Variants in SEC23B observed in about 807,000 individuals in gnomAD.
SEC23B encodes the protein SEC23 homolog B, COPII component, also known as protein transport protein Sec23B.
A neutral mutation model predicts 104.3 loss-of-function variants in SEC23B; 77 were observed. That is an observed-to-expected ratio of 0.74 (90% confidence interval 0.61 to 0.89). SEC23B has a LOEUF of 0.89. Among genes scored for constraint, SEC23B ranks in the 40% least tolerant of loss-of-function variants. The pLI is 0.00. For synonymous variants in SEC23B, 338 were observed against 332.5 expected (o/e 1.02, Z -0.18); for missense variants, 885 against 949.4 (o/e 0.93, Z 0.89).
rs190295206 is a variant in SEC23B, at chr20:18,558,132, T to A, written c.2215-2519T>A. Reference sequence around the variant, plus strand: ...TTATTTGAGAATGTCTTGACGTCCCTTTCATTTCTGAAGAATATTTTCTCT... The same window carrying A: ...TTATTTGAGAATGTCTTGACGTCCCATTCATTTCTGAAGAATATTTTCTCT... On this transcript the variant is annotated intron_variant, in intron 19 of 19. Transcript: ENST00000650089. Among the ~76,000 whole-genome samples, 90 of 152,348 alleles carry A rather than the reference T, an allele frequency of 5.9e-4. 1 individual carries two copies. Among genetic ancestry groups the A allele is most frequent in the Middle Eastern group, 3.4e-3 (1 of 294 alleles).
At position 18,524,560 on chromosome 20, in the gene SEC23B, G is replaced by A. The variant is rs773519637; in HGVS notation, c.494G>A (p.Gly165Asp). The A allele has an allele frequency of 6.2e-7, 1 of 1,614,158 alleles. No individual in the cohort carries two copies. Among genetic ancestry groups the A allele is most frequent in the Non-Finnish European group, 8.5e-7 (1 of 1,180,002 alleles). ...LSLLPPDALV[G>D]LITFGRMVQV... ...CTTCTTCCTCCAGATGCTCTGGTGG[G>A]TCTGATCACATTTGGAAGGATGGTG... Residue 165 changes from glycine to aspartate, a missense_variant, in exon 5 of 20, where the codon GGT (glycine) becomes GAT (aspartate). Transcript: ENST00000650089.
chr20:18,524,896 T>A, intron 5 of SEC23B, 39 bp from the exon 6 acceptor site: 1 of 1,601,546 alleles, frequency 6.2e-7, no homozygotes, highest in Non-Finnish European at 8.5e-7. Flanking sequence ...ACTTTTAGTG[T>A]CATTGGAAAT....
intron 9 of SEC23B, among the ~76,000 whole-genome samples, chr20:18,530,375 C>T (rs1396665978): frequency 1.4e-4 from 22 of 152,120 alleles, no homozygotes. Context: ...CCTCAGCCTC[C>T]TGAGTAGCTG....
chr20:18,555,014 A>C (rs1006719274), intron 18 of SEC23B, 94 bp from the exon 19 acceptor site: 1 of 1,117,690 alleles, frequency 8.9e-7, no homozygotes, highest in African/African-American at 1.5e-5. Flanking sequence ...AATTTAACCA[A>C]ACAAATGTTG....
Position 18,545,968 on chromosome 20 carries a change from G to A in SEC23B, c.1678G>A (p.Gly560Arg). ...RQLIRLCQKF[G>R]QYNKEDPTSF... is the part of the protein sequence containing the mutation. ...TTTCTTTCCATAGTGTCAAAAGTTT[G>A]GACAGTATAACAAAGAAGACCCCAC... The change falls in exon 15 of 20, where the codon GGA (glycine) becomes AGA (arginine). Residue 560 changes from glycine (G) to arginine (R), a missense_variant. Physicochemically the swap from Gly to Arg is moderately radical, Grantham distance 125. Coordinates refer to ENST00000650089, the MANE Select transcript of SEC23B (RefSeq NM_006363.6). 1 of 1,578,396 alleles carries A rather than the reference G, an allele frequency of 6.3e-7. No individual in the cohort carries two copies. Among genetic ancestry groups the A allele is most frequent in the South Asian group, 1.1e-5 (1 of 90,314 alleles).
At chr20:18,556,023 A>T (rs1243056269) in intron 19 of SEC23B, among the ~76,000 whole-genome samples, 1 of 151,696 alleles carries the variant, frequency 6.6e-6, no homozygotes, top group African/African-American at 2.4e-5. Flanking sequence ...TTAGATTCTC[A>T]TGAGGAGCAT....
At chr20:18,547,599 T>A (rs762845760) in intron 15 of SEC23B, among the ~76,000 whole-genome samples, 1 of 152,134 alleles carries the variant, frequency 6.6e-6, no homozygotes, top group Non-Finnish European at 1.5e-5. Context: ...TCCCAGCTTG[T>A]GTCCTGAGCT....
At position 18,534,677 on chromosome 20, in the gene SEC23B, T is replaced by C. The variant is rs1026499795; in HGVS notation, c.1315-976T>C. 2.0e-5 allele frequency among the ~76,000 whole-genome samples: 3 copies of C among 152,266 alleles called. No individual in the cohort carries two copies. In the East Asian group the frequency reaches 5.8e-4, roughly 29 times the overall value. ...TGTTTGCCAACAGCCTAATGGTTTT[T>C]AGCATCCATTGATCTTCATGCAAAT... On this transcript the variant is annotated intron_variant, in intron 11 of 19. Coordinates refer to ENST00000650089, the MANE Select transcript of SEC23B (RefSeq NM_006363.6).
At chr20:18,548,242 C>T (rs1415372860) in intron 15 of SEC23B, among the ~76,000 whole-genome samples, 4 of 147,270 alleles carry the variant, frequency 2.7e-5, no homozygotes, top group Non-Finnish European at 6.0e-5. Flanking sequence ...TGAGCCACCA[C>T]GCCTGGCCAA....
chr20:18,518,143 T>G (rs1016594449), intron 4 of SEC23B, among the ~76,000 whole-genome samples: 3 of 152,126 alleles, frequency 2.0e-5, no homozygotes, highest in Non-Finnish European at 4.4e-5. Flanking sequence ...ATTTGACTAA[T>G]AAAGGCTGGT....
intron 10 of SEC23B, among the ~76,000 whole-genome samples, 192 bp from the exon 11 acceptor site, chr20:18,532,472 G>A (rs1454457478): frequency 2.0e-5 from 3 of 152,198 alleles, no homozygotes; most frequent in Non-Finnish European, 4.4e-5. Context: ...TTCTAAGGGT[G>A]GATTTTATTA....
intron 4 of SEC23B, among the ~76,000 whole-genome samples, chr20:18,517,501 G>A (rs4734953): frequency 3.3e-5 from 5 of 152,164 alleles, no homozygotes; most frequent in East Asian, 1.9e-4. Context: ...GGATGTATAC[G>A]TGCAGGTCAT....
intron 19 of SEC23B, among the ~76,000 whole-genome samples, chr20:18,558,258 A>T (rs901566495): frequency 1.3e-5 from 2 of 152,164 alleles, no homozygotes; most frequent in African/African-American, 4.8e-5. Flanking sequence ...GTTCACTGTC[A>T]GTCTCATTGT....
chr20:18,534,210 A>G (rs373412585), intron 11 of SEC23B, among the ~76,000 whole-genome samples: 11 of 152,232 alleles, frequency 7.2e-5, no homozygotes, highest in African/African-American at 2.7e-4. Flanking sequence ...ACAGTCCTTA[A>G]GCACGTCAGT....
intron 4 of SEC23B, among the ~76,000 whole-genome samples, chr20:18,518,205 G>A (rs1374144546): frequency 6.6e-6 from 1 of 152,196 alleles, no homozygotes; most frequent in South Asian, 2.1e-4. Context: ...AATTATGTCT[G>A]ACAAAAGGGA....
At chr20:18,552,478 A>C (rs1363231461) in intron 17 of SEC23B, among the ~76,000 whole-genome samples, 1 of 152,180 alleles carries the variant, frequency 6.6e-6, no homozygotes, top group Non-Finnish European at 1.5e-5. Context: ...ACTGCAGGTT[A>C]AAAATAATTT....
chr20:18,524,504 A>C lies in SEC23B; in HGVS notation c.438A>C (p.Ala146=), dbSNP rs753107435. 1.2e-5 allele frequency: 19 copies of C among 1,614,110 alleles called. No individual in the cohort carries two copies. Among genetic ancestry groups the C allele is most frequent in the Admixed American group, 1.7e-5 (1 of 60,016 alleles). Residue 146 remains alanine, a synonymous_variant, in exon 5 of 20, where the codon GCA becomes GCC. Transcript: ENST00000650089. ...DTCLEEDDLQ[A]LKESLQMSLS... ...GCCTGGAGGAAGATGACCTTCAAGCACTCAAAGAGTCCCTGCAGATGTCCC... is the reference window on the plus strand; with the variant it reads ...GCCTGGAGGAAGATGACCTTCAAGCCCTCAAAGAGTCCCTGCAGATGTCCC...
In SEC23B at chr20:18,560,695, G is replaced by A. The variant is rs1043674661; in HGVS notation, c.2259G>A (p.Val753=). The change falls in exon 20 of 20, where the codon GTG becomes GTA. Residue 753 remains valine (V), a synonymous_variant. Coordinates refer to ENST00000650089, the MANE Select transcript of SEC23B (RefSeq NM_006363.6). The part of the protein sequence containing the change: ...PILTDDVSLQ[V]FMDHLKKLAV... ...TAACTGATGATGTTAGCCTGCAGGT[G>A]TTCATGGACCATTTGAAGAAGCTGG... 1 of 1,614,138 alleles carries A rather than the reference G, an allele frequency of 6.2e-7. No individual in the cohort carries two copies. Among genetic ancestry groups the A allele is most frequent in the South Asian group, 1.1e-5 (1 of 91,084 alleles).
intron 4 of SEC23B, among the ~76,000 whole-genome samples, chr20:18,524,021 C>G (rs2060110436): frequency 6.6e-6 from 1 of 152,264 alleles, no homozygotes; most frequent in East Asian, 1.9e-4. Context: ...ATGCTACTTT[C>G]TAAATGAGGC....
Sources: gnomAD v4.1 joint callset for allele counts (sites outside exome capture counted in the v4.1 genomes callset) on GRCh38, gnomAD v4.1.1 for gene constraint, MANE v1.5 for transcripts, NCBI Gene and HGNC (gene_info 2026-07-23, HGNC 2026-07-21) for gene names.